Variants in DCLK1 observed in about 807,000 individuals in gnomAD.
DCLK1 encodes the protein doublecortin like kinase 1.
Under a neutral mutation model 86.2 loss-of-function variants are expected in DCLK1, and 16 were observed. That is an observed-to-expected ratio of 0.19 (90% CI 0.13 to 0.28). The LOEUF (loss-of-function observed/expected upper bound fraction) is 0.28, where lower values mean the gene tolerates loss of function less well. Ranked by LOEUF, DCLK1 falls within the 10% of genes least tolerant of loss-of-function variation. The pLI is 1.00. For missense variants in DCLK1, 590 were observed against 940.2 expected (o/e 0.63, Z 4.87); for synonymous variants, 369 against 370.5 (o/e 1.00, Z 0.05).
At chr13:35,798,412 A>G (rs17052860) in intron 15 of DCLK1, among the ~76,000 whole-genome samples, 32,282 of 152,250 alleles carry the variant, frequency 0.21, 4,181 homozygotes, top group East Asian at 0.39. Context: ...TAAACTCAGG[A>G]GAAGCATGGC....
chr13:36,043,549 C>T (rs1593842151), intron 3 of DCLK1, among the ~76,000 whole-genome samples: 1 of 151,982 alleles, frequency 6.6e-6, no homozygotes, highest in East Asian at 1.9e-4. Flanking sequence ...CTAAAGAGTG[C>T]CCAGTACACT....
intron 3 of DCLK1, among the ~76,000 whole-genome samples, chr13:36,050,478 T>A (rs967414910): frequency 6.6e-6 from 1 of 152,106 alleles, no homozygotes; most frequent in Non-Finnish European, 1.5e-5. Flanking sequence ...TCAGGGAGAA[T>A]TGAGTGCCAA....
chr13:35,986,614 C>T (rs937326571), intron 3 of DCLK1, among the ~76,000 whole-genome samples: 2 of 152,190 alleles, frequency 1.3e-5, no homozygotes, highest in Middle Eastern at 3.2e-3. Flanking sequence ...CAGCACTTTT[C>T]ACAATCTGCC....
intron 3 of DCLK1, among the ~76,000 whole-genome samples, chr13:36,055,867 T>C (rs1435294150): frequency 6.6e-6 from 1 of 152,238 alleles, no homozygotes; most frequent in African/African-American, 2.4e-5. Flanking sequence ...TAACTGTTTA[T>C]TAAAAATAAA....
intron 4 of DCLK1, among the ~76,000 whole-genome samples, chr13:35,885,407 A>C (rs576367677): frequency 3.5e-4 from 53 of 152,232 alleles, no homozygotes; most frequent in Non-Finnish European, 6.0e-4. Context: ...TCTAACTGTA[A>C]GGCCGGGAAC....
intron 3 of DCLK1, among the ~76,000 whole-genome samples, chr13:35,963,138 C>A (rs1365535099): frequency 6.6e-6 from 1 of 152,184 alleles, no homozygotes; most frequent in African/African-American, 2.4e-5. Context: ...ACAGTGTGAG[C>A]CTAGCATCTC....
At chr13:36,004,573 TTTG>T (rs1333733363) in intron 3 of DCLK1, among the ~76,000 whole-genome samples, 5 of 152,050 alleles carry the variant, frequency 3.3e-5, no homozygotes, top group Non-Finnish European at 7.4e-5. Context: ...TCACAAGTTT[TTTG>T]TTGTTGTTGT....
intron 4 of DCLK1, among the ~76,000 whole-genome samples, chr13:35,920,869 C>T (rs568972207): frequency 6.6e-6 from 1 of 152,178 alleles, no homozygotes; most frequent in Admixed American, 6.5e-5. Flanking sequence ...AAGGAAATTG[C>T]CCGTGGTCCC....
chr13:36,034,474 TC>T (rs1224954539), intron 3 of DCLK1, among the ~76,000 whole-genome samples: 3 of 152,208 alleles, frequency 2.0e-5, no homozygotes, highest in African/African-American at 7.2e-5. Flanking sequence ...TGACGTGCAT[TC>T]CTTTAATGTT....
intron 3 of DCLK1, among the ~76,000 whole-genome samples, chr13:36,084,082 G>C (rs1446904859): frequency 6.6e-6 from 1 of 152,092 alleles, no homozygotes; most frequent in East Asian, 1.9e-4. Flanking sequence ...AAATACATTG[G>C]AGCAAACAGA....
At chr13:36,119,830 C>T (rs987873897) in intron 2 of DCLK1, among the ~76,000 whole-genome samples, 4 of 152,086 alleles carry the variant, frequency 2.6e-5, no homozygotes, top group East Asian at 3.9e-4. Flanking sequence ...AGTGGGGAAA[C>T]GAAGGAAAGC....
chr13:36,023,420 G>C (rs1881874049), intron 3 of DCLK1, among the ~76,000 whole-genome samples: 1 of 152,172 alleles, frequency 6.6e-6, no homozygotes, highest in Non-Finnish European at 1.5e-5. Context: ...CAACAGTGCA[G>C]ATGAAGTCAG....
chr13:36,076,057 T>C (rs1265852115), intron 3 of DCLK1, among the ~76,000 whole-genome samples: 1 of 152,146 alleles, frequency 6.6e-6, no homozygotes, highest in African/African-American at 2.4e-5. Flanking sequence ...TCTTGATCCT[T>C]CCTTCAATAT....
At chr13:36,015,023 T>TCTCC (rs1881484774) in intron 3 of DCLK1, among the ~76,000 whole-genome samples, 2 of 151,740 alleles carry the variant, frequency 1.3e-5, no homozygotes, top group Admixed American at 6.6e-5. Flanking sequence ...TCTCTCTCTC[T>TCTCC]CTCTCTCCCT....
intron 3 of DCLK1, among the ~76,000 whole-genome samples, chr13:35,988,724 G>A (rs976581412): frequency 2.6e-5 from 4 of 152,154 alleles, no homozygotes; most frequent in Non-Finnish European, 4.4e-5. Flanking sequence ...TGAAATACTA[G>A]TGTGTCTTGA....
intron 2 of DCLK1, among the ~76,000 whole-genome samples, chr13:36,116,230 G>A (rs1041345490): frequency 2.0e-5 from 3 of 152,078 alleles, no homozygotes; most frequent in Admixed American, 6.6e-5. Context: ...GATTATAGGC[G>A]TGAGCCACCG....
intron 4 of DCLK1, among the ~76,000 whole-genome samples, chr13:35,938,628 C>CA (rs918388892): frequency 4.1e-4 from 56 of 137,186 alleles, no homozygotes; most frequent in Admixed American, 1.1e-3. Flanking sequence ...GACTCTGTCT[C>CA]AAAAAAAAAA....
chr13:35,804,678 C>T (rs758780085), intron 15 of DCLK1, among the ~76,000 whole-genome samples: 1 of 152,118 alleles, frequency 6.6e-6, no homozygotes, highest in African/African-American at 2.4e-5. Context: ...AGCGATCTGC[C>T]GGCCTCAGCC....
intron 4 of DCLK1, among the ~76,000 whole-genome samples, chr13:35,906,784 C>T (rs1161550343): frequency 1.3e-5 from 2 of 152,138 alleles, no homozygotes. Flanking sequence ...CTTGGTTTGG[C>T]AGTGGCCTGA....
Sources: gnomAD v4.1 joint callset for allele counts (sites outside exome capture counted in the v4.1 genomes callset) on GRCh38, gnomAD v4.1.1 for gene constraint, MANE v1.5 for transcripts, NCBI Gene and HGNC (gene_info 2026-07-23, HGNC 2026-07-21) for gene names.